The following KLHL32 variants were observed in gnomAD, a reference collection of about 807,000 sequenced individuals.
KLHL32 encodes kelch like family member 32.
In KLHL32, 35 loss-of-function variants were observed where a neutral mutation model predicts 64.8. The ratio of observed to expected loss-of-function variants is 0.54; its 90% CI spans 0.41 to 0.72. The LOEUF (loss-of-function observed/expected upper bound fraction) is 0.72. KLHL32 is among the 30% of genes least tolerant of loss of function. The pLI is 0.00. For missense variants in KLHL32, 589 were observed against 768.5 expected (o/e 0.77, Z 2.76); for synonymous variants, 259 against 281.0 (o/e 0.92, Z 0.78).
chr6:97,060,371 G>A (rs1788675396), intron 4 of KLHL32, among the ~76,000 whole-genome samples: 1 of 152,198 alleles, frequency 6.6e-6, no homozygotes, highest in East Asian at 1.9e-4. Context: ...GTGGACATCT[G>A]ATGATCCAGG....
At chr6:97,133,662 T>C (rs1799677730) in intron 10 of KLHL32, among the ~76,000 whole-genome samples, 1 of 152,232 alleles carries the variant, frequency 6.6e-6, no homozygotes, top group Non-Finnish European at 1.5e-5. Flanking sequence ...TTATCCTTAG[T>C]TATATCTCCC....
chr6:97,075,109 T>C (rs1018789387), intron 5 of KLHL32, among the ~76,000 whole-genome samples: 1 of 152,160 alleles, frequency 6.6e-6, no homozygotes, highest in East Asian at 1.9e-4. Flanking sequence ...ATGCATACAA[T>C]TGATTATGAA....
chr6:96,959,969 T>C (rs1773707609), intron 1 of KLHL32, among the ~76,000 whole-genome samples: 1 of 152,190 alleles, frequency 6.6e-6, no homozygotes, highest in African/African-American at 2.4e-5. Context: ...CCTTTTTTAC[T>C]GTTAGGTGTG....
At position 97,114,037 on chromosome 6, in the gene KLHL32, T is replaced by C; in HGVS notation, c.882T>C (p.Ile294=). ...TCCAGTCAGACACTCTGTATATCAT[T>C]GGTGGGAAAAAGCGCGAGGTCTGCA... ...PRFQSDTLYI[I]GGKKREVCKV... The change falls in exon 7 of 11, where the codon ATT becomes ATC. Residue 294 remains isoleucine, a synonymous_variant. Transcript: ENST00000369261. 6.2e-7 allele frequency: 1 copy of C among 1,614,100 alleles called. No homozygotes were observed. Among genetic ancestry groups the C allele is most frequent in the Non-Finnish European group, 8.5e-7 (1 of 1,180,032 alleles).
chr6:97,058,748 G>A (rs534491280), intron 4 of KLHL32, among the ~76,000 whole-genome samples: 1 of 152,266 alleles, frequency 6.6e-6, no homozygotes, highest in East Asian at 1.9e-4. Flanking sequence ...TAGACATAAT[G>A]CCTGGTGGTA....
chr6:97,115,188 G>A (rs1252001119), intron 7 of KLHL32, among the ~76,000 whole-genome samples: 1 of 152,082 alleles, frequency 6.6e-6, no homozygotes, highest in African/African-American at 2.4e-5. Flanking sequence ...GCTAATTTTT[G>A]TAATTTTTGT....
chr6:97,120,523 G>A (rs1582224794), intron 7 of KLHL32, among the ~76,000 whole-genome samples: 1 of 152,234 alleles, frequency 6.6e-6, no homozygotes, highest in Admixed American at 6.5e-5. Flanking sequence ...GAGGACTGAA[G>A]AAGGCAGATC....
chr6:96,899,518 C>A, the KLHL32 span, among the ~76,000 whole-genome samples: 1 of 152,150 alleles, frequency 6.6e-6, no homozygotes, highest in African/African-American at 2.4e-5. Context: ...GTAGGGATTA[C>A]AATATGAAAT....
At chr6:96,988,969 G>T (rs1777499729) in intron 3 of KLHL32, among the ~76,000 whole-genome samples, 1 of 152,020 alleles carries the variant, frequency 6.6e-6, no homozygotes, top group Non-Finnish European at 1.5e-5. Flanking sequence ...TTGGGGGAGG[G>T]AGGAGGGATA....
At chr6:96,982,151 G>A (rs1033993330) in intron 3 of KLHL32, among the ~76,000 whole-genome samples, 6 of 152,124 alleles carry the variant, frequency 3.9e-5, no homozygotes, top group African/African-American at 1.4e-4. Flanking sequence ...TCAGTGAGGT[G>A]TTGAAGTCTC....
chr6:97,021,697 GAC>G (rs1327245966), intron 3 of KLHL32, among the ~76,000 whole-genome samples: 3 of 150,796 alleles, frequency 2.0e-5, no homozygotes, highest in Non-Finnish European at 4.4e-5. Context: ...GATGATGACT[GAC>G]AAATTTATAT....
At chr6:96,943,993 G>A (rs1771647957) in intron 1 of KLHL32, among the ~76,000 whole-genome samples, 1 of 152,072 alleles carries the variant, frequency 6.6e-6, no homozygotes, top group African/African-American at 2.4e-5. Context: ...CTCAACCTGT[G>A]GTCTCATTTT....
At chr6:97,088,668 A>G (rs1793786481) in intron 6 of KLHL32, among the ~76,000 whole-genome samples, 1 of 152,224 alleles carries the variant, frequency 6.6e-6, no homozygotes, top group East Asian at 1.9e-4. Flanking sequence ...ATCATTTCCC[A>G]GTGTATATGC....
intron 3 of KLHL32, among the ~76,000 whole-genome samples, chr6:97,002,773 G>C (rs1779202141): frequency 6.6e-6 from 1 of 152,064 alleles, no homozygotes; most frequent in East Asian, 1.9e-4. Context: ...GTGACCTCCA[G>C]CTCCATCCAT....
intron 6 of KLHL32, among the ~76,000 whole-genome samples, chr6:97,087,746 G>A (rs1793644859): frequency 1.3e-5 from 2 of 152,024 alleles, no homozygotes; most frequent in Non-Finnish European, 2.9e-5. Context: ...ATGTCATCTG[G>A]GACCATCCCA....
chr6:97,074,534 A>G (rs1467128218), intron 5 of KLHL32, among the ~76,000 whole-genome samples: 1 of 152,144 alleles, frequency 6.6e-6, no homozygotes, highest in African/African-American at 2.4e-5. Context: ...CAAACAAACA[A>G]AAAAACCTTC....
At chr6:97,123,855 G>T (rs183065902) in intron 7 of KLHL32, among the ~76,000 whole-genome samples, 165 of 152,308 alleles carry the variant, frequency 1.1e-3, no homozygotes, top group African/African-American at 3.9e-3. Flanking sequence ...GACTTTCAAA[G>T]CCAGGAATAC....
At chr6:96,948,939 A>G (rs536041833) in intron 1 of KLHL32, among the ~76,000 whole-genome samples, 1 of 152,330 alleles carries the variant, frequency 6.6e-6, no homozygotes, top group East Asian at 1.9e-4. Flanking sequence ...AACATAATGT[A>G]GAAAACTTTC....
chr6:97,134,878 G>A (rs540373733), intron 10 of KLHL32, among the ~76,000 whole-genome samples: 11 of 152,122 alleles, frequency 7.2e-5, no homozygotes, highest in African/African-American at 1.9e-4. Flanking sequence ...CTTCGTAGTC[G>A]CATCATTTGT....
Sources: gnomAD v4.1 joint callset for allele counts (sites outside exome capture counted in the v4.1 genomes callset) on GRCh38, gnomAD v4.1.1 for gene constraint, MANE v1.5 for transcripts, NCBI Gene and HGNC (gene_info 2026-07-23, HGNC 2026-07-21) for gene names.